The following PITPNM3 variants were observed in gnomAD, a reference collection of about 807,000 sequenced individuals.
PITPNM3 encodes PITPNM family member 3, also known as membrane-associated phosphatidylinositol transfer protein 3.
Under a neutral mutation model 102.0 loss-of-function variants are expected in PITPNM3, and 26 were observed. That is an observed-to-expected ratio of 0.25 (90% CI 0.19 to 0.35). The LOEUF (loss-of-function observed/expected upper bound fraction) is 0.35. PITPNM3 is among the 10% of genes least tolerant of loss of function. PITPNM3 has a pLI of 1.00. For synonymous variants in PITPNM3, 578 were observed against 558.6 expected, an observed-to-expected ratio of 1.03 and a Z score of -0.49; for missense variants, 1,083 against 1,346.1, an observed-to-expected ratio of 0.80 and a Z score of 3.06.
chr17:6,509,586 C>A (rs1907746880), intron 3 of PITPNM3, among the ~76,000 whole-genome samples: 1 of 152,178 alleles, frequency 6.6e-6, no homozygotes, highest in Non-Finnish European at 1.5e-5. Flanking sequence ...GCTCATGAAG[C>A]CTGGCTGAGG....
At chr17:6,531,380 G>T (rs772890207) in intron 2 of PITPNM3, among the ~76,000 whole-genome samples, 6 of 152,134 alleles carry the variant, frequency 3.9e-5, no homozygotes, top group Non-Finnish European at 8.8e-5. Flanking sequence ...TTTCTCTCTA[G>T]AACTTAGCGT....
At chr17:6,539,817 T>C (rs1909638275) in intron 1 of PITPNM3, among the ~76,000 whole-genome samples, 1 of 152,228 alleles carries the variant, frequency 6.6e-6, no homozygotes, top group Admixed American at 6.5e-5. Flanking sequence ...CCCAGTCTTT[T>C]CCGTTCCTAA....
At chr17:6,504,724 T>C (rs193183849) in intron 3 of PITPNM3, among the ~76,000 whole-genome samples, 3 of 152,330 alleles carry the variant, frequency 2.0e-5, no homozygotes, top group Admixed American at 1.3e-4. Flanking sequence ...TGCATTATAA[T>C]TGGATACCTG....
chr17:6,475,166 G>A (rs1175425506), intron 9 of PITPNM3, among the ~76,000 whole-genome samples: 3 of 152,144 alleles, frequency 2.0e-5, no homozygotes, highest in African/African-American at 7.2e-5. Flanking sequence ...CCTGTTCCAG[G>A]CAACCCGCAG....
At position 6,471,256 on chromosome 17, in the gene PITPNM3, C is replaced by T; in HGVS notation, c.1529G>A (p.Arg510Lys). ...CATCCTCCGTCCTGGGCGCTGGAAC[C>T]TCGAGGCCTGAGGGGGCGAGGCAGG... ...DAPASPPQAS[R>K]FQRPGRRMSE... Residue 510 changes from arginine (R) to lysine (K), a missense_variant, in exon 12 of 20, where the codon AGG (arginine) becomes AAG (lysine). Arg to Lys is a conservative substitution (Grantham distance 26). This residue lies in a region of PITPNM3 where 410 missense variants were observed against 638.4 expected (regional missense o/e 0.64). Coordinates refer to ENST00000262483, the MANE Select transcript of PITPNM3 (RefSeq NM_031220.4). The T allele has an allele frequency of 3.7e-6, 6 of 1,613,450 alleles. No homozygotes were observed. The highest frequency in any genetic ancestry group is 4.2e-6 in the Non-Finnish European group (5 of 1,179,944).
intron 1 of PITPNM3, among the ~76,000 whole-genome samples, chr17:6,545,774 T>G (rs1388651910): frequency 6.6e-6 from 1 of 152,238 alleles, no homozygotes. Flanking sequence ...GGGTCCTTCA[T>G]GTGCAGCACC....
chr17:6,547,801 T>A (rs896479367), intron 1 of PITPNM3, among the ~76,000 whole-genome samples: 3 of 151,874 alleles, frequency 2.0e-5, no homozygotes, highest in Non-Finnish European at 4.4e-5. Flanking sequence ...AATGCCACGA[T>A]CTCGGCTCAC....
At chr17:6,491,041 G>A (rs1597380700) in intron 4 of PITPNM3, among the ~76,000 whole-genome samples, 1 of 70,172 alleles carries the variant, frequency 1.4e-5, no homozygotes, top group Non-Finnish European at 2.9e-5. Flanking sequence ...GAGGAAAGGG[G>A]AGGGGAGGAG....
chr17:6,493,001 A>G (rs966573634), intron 4 of PITPNM3, among the ~76,000 whole-genome samples: 4 of 152,038 alleles, frequency 2.6e-5, no homozygotes, highest in Non-Finnish European at 2.9e-5. Flanking sequence ...AAACACCAAG[A>G]CCAATCAGAC....
intron 4 of PITPNM3, among the ~76,000 whole-genome samples, chr17:6,489,875 G>A (rs541862575): frequency 1.6e-4 from 25 of 152,044 alleles, no homozygotes; most frequent in African/African-American, 5.3e-4. Context: ...ATGGTGGTGC[G>A]CACCTGTAAT....
intron 1 of PITPNM3, among the ~76,000 whole-genome samples, chr17:6,549,953 T>C (rs1455267441): frequency 6.6e-6 from 1 of 152,124 alleles, no homozygotes; most frequent in Admixed American, 6.5e-5. Context: ...GGAGGATCAA[T>C]GCAAGGTCAG....
In PITPNM3 at chr17:6,468,287, C is replaced by G; in HGVS notation, c.1828G>C (p.Ala610Pro). The change falls in exon 14 of 20, where the codon GCA (alanine) becomes CCA (proline). Residue 610 changes from alanine (A) to proline (P), a missense_variant. Ala to Pro is a conservative substitution (Grantham distance 27, BLOSUM62 -1). Around this residue, in one of 5 missense-constraint regions of PITPNM3, gnomAD observed 410 missense variants for 638.4 expected, o/e 0.64. Transcript: ENST00000262483. This position sits in a 1 kb window ranked among gnomAD's most constrained non-coding sequence, Gnocchi z 5.2. Reference sequence around the variant, plus strand: ...TCCCGGGGGTTGGCAGGACTCAGTGCTGCAGGGTCCAGGCGGGCGCTTTCC... The same window carrying G: ...TCCCGGGGGTTGGCAGGACTCAGTGGTGCAGGGTCCAGGCGGGCGCTTTCC... The part of the protein sequence containing the change: ...IKESARLDPA[A>P]LSPANPREKW... 6.2e-7 allele frequency: 1 copy of G among 1,614,038 alleles called. No homozygotes were observed. Among genetic ancestry groups the G allele is most frequent in the Non-Finnish European group, 8.5e-7 (1 of 1,180,034 alleles).
chr17:6,466,147 C>G (rs1904754412), intron 14 of PITPNM3, among the ~76,000 whole-genome samples: 1 of 152,210 alleles, frequency 6.6e-6, no homozygotes, highest in Admixed American at 6.5e-5. Context: ...GGCCTTTGCT[C>G]ACACCGCTGT....
intron 9 of PITPNM3, 57 bp downstream of exon 9, chr17:6,476,972 G>T: frequency 1.3e-6 from 2 of 1,586,856 alleles, no homozygotes; most frequent in Non-Finnish European, 1.7e-6. Flanking sequence ...ACTGGTCACA[G>T]CCCTCCCAGT....
At chr17:6,460,389 C>T (rs536922864) in intron 18 of PITPNM3, among the ~76,000 whole-genome samples, 3 of 152,224 alleles carry the variant, frequency 2.0e-5, no homozygotes, top group Admixed American at 6.5e-5. Context: ...CCTTTTTCAA[C>T]CACACACCAG....
intron 3 of PITPNM3, 78 bp from the exon 4 acceptor site, chr17:6,503,652 G>C: frequency 7.0e-7 from 1 of 1,435,276 alleles, no homozygotes; most frequent in South Asian, 1.2e-5. Context: ...AGGCTGCTTG[G>C]AGCTGCCTCT....
At chr17:6,471,094 A>T (rs1015266515) in intron 12 of PITPNM3, 67 bp downstream of exon 12, 3 of 1,577,836 alleles carry the variant, frequency 1.9e-6, no homozygotes, top group Non-Finnish European at 2.6e-6. Flanking sequence ...GCAGTGGCCC[A>T]GCAAACACCC....
At chr17:6,511,222 C>T (rs1010571374) in intron 3 of PITPNM3, among the ~76,000 whole-genome samples, 1 of 152,170 alleles carries the variant, frequency 6.6e-6, no homozygotes, top group African/African-American at 2.4e-5. Flanking sequence ...CTTCATACTG[C>T]AGTCAACAAA....
intron 16 of PITPNM3, 45 bp from the exon 17 acceptor site, chr17:6,463,926 C>A: frequency 6.2e-7 from 1 of 1,609,694 alleles, no homozygotes; most frequent in African/African-American, 1.3e-5. Context: ...CAGGGTCAGA[C>A]GTTAGCCGGA....
Sources: allele counts gnomAD v4.1 joint callset (sites outside exome capture counted in the v4.1 genomes callset), GRCh38; gene constraint gnomAD v4.1.1; regional missense constraint gnomAD v4.1.1; non-coding constraint Gnocchi (gnomAD v3.1); transcripts MANE v1.5; gene names NCBI Gene and HGNC (gene_info 2026-07-23, HGNC 2026-07-21).